Variants in CDH2 observed in about 807,000 individuals in gnomAD.
CDH2 encodes the protein cadherin 2.
Under a neutral mutation model 92.0 loss-of-function variants are expected in CDH2, and 17 were observed. The ratio of observed to expected loss-of-function variants is 0.18; its 90% CI spans 0.13 to 0.28. The LOEUF is 0.28. CDH2 is among the 10% of genes least tolerant of loss of function. The pLI is 1.00. For missense variants in CDH2, 862 were observed against 1,133.1 expected (o/e 0.76, Z 3.44); for synonymous variants, 419 against 415.9 (o/e 1.01, Z -0.09).
chr18:28,147,614 G>T, intron 2 of CDH2, 59 bp downstream of exon 2: 3 of 1,042,178 alleles, frequency 2.9e-6, no homozygotes, highest in East Asian at 2.4e-5. Flanking sequence ...TTTTTTAATG[G>T]CTAATTTGTT....
chr18:28,028,735 AT>A (rs939367762), intron 2 of CDH2, among the ~76,000 whole-genome samples: 42 of 152,282 alleles, frequency 2.8e-4, no homozygotes, highest in African/African-American at 9.4e-4. Flanking sequence ...CAAGTAAACT[AT>A]AAGAATTTAA....
chr18:28,033,113 T>G (rs193026033), intron 2 of CDH2, among the ~76,000 whole-genome samples: 3 of 152,040 alleles, frequency 2.0e-5, no homozygotes, highest in South Asian at 4.1e-4. Flanking sequence ...CAGTAGGGTA[T>G]AGACAAAAGA....
chr18:27,984,901 G>T lies in CDH2; in HGVS notation c.2209+99C>A, dbSNP rs184048917. On this transcript the variant is annotated intron_variant, in intron 13 of 15. Transcript: ENST00000269141. ...CGAGGAAATGCTGAAAGGTCAAAGGGTTGTTAGACTACTTTGCCAGGCAAT... is the reference window on the plus strand; with the variant it reads ...CGAGGAAATGCTGAAAGGTCAAAGGTTTGTTAGACTACTTTGCCAGGCAAT... The T allele has an allele frequency of 3.5e-6, 3 of 853,726 alleles. No individual in the cohort carries two copies. In the East Asian group the frequency reaches 7.9e-5, roughly 22 times the overall value. The allele number at this position is 853,726 out of a possible 1,614,324, so 52.9% of individuals were successfully genotyped here.
intron 1 of CDH2, among the ~76,000 whole-genome samples, chr18:28,175,810 C>G (rs1349781602): frequency 1.3e-5 from 2 of 152,228 alleles, no homozygotes; most frequent in Non-Finnish European, 2.9e-5. Flanking sequence ...GGGGACCCTC[C>G]GTGGATTTTC....
intron 2 of CDH2, among the ~76,000 whole-genome samples, chr18:28,139,320 C>T (rs1306128998): frequency 6.6e-6 from 1 of 151,966 alleles, no homozygotes; most frequent in African/African-American, 2.4e-5. Flanking sequence ...ATTCTTTGAC[C>T]TCATTACACA....
chr18:28,087,020 C>T (rs1316109451), intron 2 of CDH2, among the ~76,000 whole-genome samples: 1 of 152,108 alleles, frequency 6.6e-6, no homozygotes, highest in Non-Finnish European at 1.5e-5. Context: ...TAGTTATGCC[C>T]AGAGTGACTG....
chr18:27,975,860 G>C (rs897239236), intron 14 of CDH2, among the ~76,000 whole-genome samples: 1 of 152,156 alleles, frequency 6.6e-6, no homozygotes, highest in Non-Finnish European at 1.5e-5. Context: ...TCTCAGCAGA[G>C]AGGGGAGCTG....
intron 2 of CDH2, among the ~76,000 whole-genome samples, chr18:28,079,822 C>T (rs549772591): frequency 1.2e-3 from 186 of 152,238 alleles, no homozygotes; most frequent in Non-Finnish European, 1.8e-3. Flanking sequence ...AATTCCACCC[C>T]CCCTCAGAAA....
At chr18:27,947,793 T>C (rs1344544128), downstream of CDH2, among the ~76,000 whole-genome samples, 4 of 151,756 alleles carry the variant, frequency 2.6e-5, no homozygotes, top group African/African-American at 9.7e-5. Context: ...GTGATATAAG[T>C]ATATGTGATG....
At chr18:28,043,495 A>ATATATATATATATATATATATATAT (rs1567976503) in intron 2 of CDH2, among the ~76,000 whole-genome samples, 1 of 87,400 alleles carries the variant, frequency 1.1e-5, no homozygotes, top group African/African-American at 4.8e-5. Context: ...TATATATATA[A>ATATATATATATATATATATATATAT]ATATATATAT....
intron 4 of CDH2, 23 bp from the exon 5 acceptor site, chr18:28,009,895 C>G: frequency 6.3e-7 from 1 of 1,585,374 alleles, no homozygotes; most frequent in Non-Finnish European, 8.6e-7. Flanking sequence ...AAAACAATGA[C>G]ATTAAGTGAG....
intron 2 of CDH2, among the ~76,000 whole-genome samples, chr18:28,130,218 G>A (rs2015743741): frequency 1.3e-5 from 2 of 152,172 alleles, no homozygotes; most frequent in Non-Finnish European, 2.9e-5. Context: ...GTGGGCATGA[G>A]CAAGTCCTGG....
intron 14 of CDH2, among the ~76,000 whole-genome samples, chr18:27,976,526 A>T (rs4413048): frequency 1.3e-5 from 2 of 151,946 alleles, no homozygotes; most frequent in African/African-American, 4.8e-5. Context: ...TGAGCTTTGT[A>T]AAGGATGGTA....
intron 2 of CDH2, among the ~76,000 whole-genome samples, chr18:28,071,755 C>A (rs1300283525): frequency 6.6e-6 from 1 of 152,150 alleles, no homozygotes; most frequent in African/African-American, 2.4e-5. Context: ...CATTTCCTTG[C>A]AGTAGCTTGA....
chr18:28,149,966 A>C (rs2016095971), intron 1 of CDH2, among the ~76,000 whole-genome samples: 1 of 152,220 alleles, frequency 6.6e-6, no homozygotes, highest in Admixed American at 6.5e-5. Context: ...GGACACTGGG[A>C]GACAGTCTGA....
intron 8 of CDH2, 55 bp from the exon 9 acceptor site, chr18:27,992,895 C>T (rs1237693889): frequency 5.0e-6 from 7 of 1,394,338 alleles, no homozygotes; most frequent in Middle Eastern, 1.8e-4. Context: ...TGAAGGACAA[C>T]TTGTCTTGAT....
At chr18:28,157,474 G>A (rs1486290625) in intron 1 of CDH2, among the ~76,000 whole-genome samples, 1 of 152,128 alleles carries the variant, frequency 6.6e-6, no homozygotes, top group Admixed American at 6.5e-5. Context: ...TTGCAGGCAA[G>A]GAAACTAACT....
intron 3 of CDH2, 47 bp downstream of exon 3, chr18:28,013,636 T>C (rs1351628450): frequency 2.2e-6 from 3 of 1,364,000 alleles, no homozygotes; most frequent in Admixed American, 1.7e-5. Context: ...TCAAACTGTA[T>C]AAAGCTGATT....
chr18:28,127,515 CAA>C (rs34433555), intron 2 of CDH2, among the ~76,000 whole-genome samples: 34,952 of 152,004 alleles, frequency 0.23, 4,513 homozygotes, highest in Non-Finnish European at 0.3. Context: ...TTTTCCTAGG[CAA>C]AAATACATTT....
Sources: allele counts gnomAD v4.1 joint callset (sites outside exome capture counted in the v4.1 genomes callset), GRCh38; gene constraint gnomAD v4.1.1; transcripts MANE v1.5; gene names NCBI Gene and HGNC (gene_info 2026-07-23, HGNC 2026-07-21).